PFKP: variants seen among roughly 807,000 people sequenced by gnomAD.
PFKP encodes phosphofructokinase, platelet.
A neutral mutation model predicts 94.3 loss-of-function variants in PFKP; 101 were observed. The observed-to-expected ratio is 1.07, with a 90% CI of 0.91 to 1.26. PFKP has a LOEUF of 1.26. Ranked by LOEUF, PFKP falls within the 50% of genes most tolerant of loss-of-function variation. The pLI is 0.00. For missense variants in PFKP, 1,145 were observed against 1,103.3 expected (o/e 1.04, Z -0.53); for synonymous variants, 573 against 432.6 (o/e 1.32, Z -4.03).
rs560075780 is a variant in PFKP at position 3,120,150 on chromosome 10, C to T, written c.1683+106C>T. 9.2e-5 allele frequency: 80 copies of T among 866,410 alleles called. No individual in the cohort carries two copies. The African/African-American group carries it at 1.2e-3, about 13-fold the overall frequency. The allele number at this position is 866,410 out of a possible 1,614,324, so 53.7% of individuals were successfully genotyped here. A position where few individuals can be genotyped will look rare whatever the true frequency, so the allele number is the denominator to read the frequency against. On this transcript the variant is annotated intron_variant, in intron 16 of 21. Transcript: ENST00000381125. The stretch of plus-strand genomic sequence containing the variant: ...CTAGAAATAGCCTTTTACAAATACC[C>T]TGAATGAGAGCTTCTCGTTCTTTTT...
intron 13 of PFKP, among the ~76,000 whole-genome samples, chr10:3,114,413 G>GT (rs1836588063): frequency 6.6e-6 from 1 of 152,218 alleles, no homozygotes; most frequent in Non-Finnish European, 1.5e-5. Flanking sequence ...GCCTCCCAAA[G>GT]TGCTGGGATT....
chr10:3,126,947 A>G (rs7910054), intron 16 of PFKP, among the ~76,000 whole-genome samples: 67,533 of 152,148 alleles, frequency 0.44, 14,922 homozygotes, highest in Non-Finnish European at 0.47. Context: ...TGCCACTCAC[A>G]GCTGCTGTCC....
chr10:3,100,862 C>CAAAAAAA lies in PFKP; in HGVS notation c.265-489_265-483dup, dbSNP rs71294492. The stretch of plus-strand genomic sequence containing the variant: ...TAAAAGGGGCAGCGAGTATGTGGTG[C>CAAAAAAA]AAAAAAAAAAAAAAAAAAAATCCCC... On this transcript the variant is annotated intron_variant, in intron 3 of 21. Transcript: ENST00000381125. The CAAAAAAA allele has an allele frequency of 7.0e-4, 463 of 656,858 alleles. 3 individuals are homozygous for CAAAAAAA. Among genetic ancestry groups the CAAAAAAA allele is most frequent in the Middle Eastern group, 1.2e-3 (3 of 2,408 alleles). 40.7% of individuals were successfully genotyped at this position (656,858 alleles called of 1,614,324 possible).
intron 9 of PFKP, among the ~76,000 whole-genome samples, chr10:3,109,072 T>A (rs1462762130): frequency 3.7e-4 from 1 of 2,690 alleles, no homozygotes; most frequent in East Asian, 0.5. Flanking sequence ...AGAAAGGCTG[T>A]GTTTCTAGTG....
rs1308212875 is a variant in PFKP, at chr10:3,113,179, G to A, written c.1215G>A (p.Gln405=). ...KRLAIKLPDD[Q]IPKTNCNVAV... ...TTGCCATCAAGCTGCCGGATGATCA[G>A]ATCCCAAAGGTAGGTGGCCGGCCTC... The change falls in exon 12 of 22, where the codon CAG becomes CAA. Residue 405 remains glutamine (Q), a synonymous_variant. Transcript: ENST00000381125. 6.2e-7 allele frequency: 1 copy of A among 1,612,084 alleles called. No homozygotes were observed. The highest frequency in any genetic ancestry group is 1.1e-5 in the South Asian group (1 of 90,700).
intron 16 of PFKP, chr10:3,128,894 GAGGA>G (rs1838250685): frequency 6.6e-6 from 1 of 152,352 alleles, no homozygotes; most frequent in Admixed American, 6.5e-5. Flanking sequence ...AAGGCCCCAG[GAGGA>G]CCTGGGGTGG....
At chr10:3,100,986 C>G in intron 3 of PFKP, 1 of 1,612,150 alleles carries the variant, frequency 6.2e-7, no homozygotes, top group South Asian at 1.1e-5. Flanking sequence ...TTGTCCTGGC[C>G]GGCATGCTCT....
At chr10:3,112,410 G>C in intron 11 of PFKP, 124 bp downstream of exon 11, 2 of 768,896 alleles carry the variant, frequency 2.6e-6, no homozygotes, top group African/African-American at 3.4e-5. Context: ...AAGTCAGGCA[G>C]TACTCACAGC....
At chr10:3,101,754 A>AG (rs1259280514) in intron 4 of PFKP, among the ~76,000 whole-genome samples, 200 bp downstream of exon 4, 2 of 152,230 alleles carry the variant, frequency 1.3e-5, no homozygotes, top group Non-Finnish European at 2.9e-5. Context: ...ACCATGTGCC[A>AG]GGCACCCTTC....
intron 8 of PFKP, 24 bp downstream of exon 8, chr10:3,107,333 TTC>T: frequency 7.1e-7 from 1 of 1,402,492 alleles, no homozygotes; most frequent in Non-Finnish European, 1.0e-6. Context: ...GCTGCTCACT[TTC>T]TCTCGGTTTC....
At chr10:3,069,471 C>A (rs1832021098) in intron 1 of PFKP, 3 of 1,279,484 alleles carry the variant, frequency 2.3e-6, no homozygotes, top group Admixed American at 4.2e-5. Context: ...GAGGGAGCAC[C>A]TTGAGTGACC....
intron 16 of PFKP, among the ~76,000 whole-genome samples, chr10:3,120,283 G>A (rs1277078616): frequency 6.6e-6 from 1 of 152,146 alleles, no homozygotes. Flanking sequence ...TAGTGTGGCC[G>A]AGACTCCAGG....
intron 2 of PFKP, among the ~76,000 whole-genome samples, chr10:3,092,216 G>C (rs1192436991): frequency 6.6e-6 from 1 of 152,184 alleles, no homozygotes; most frequent in Non-Finnish European, 1.5e-5. Flanking sequence ...ATATCAGCAT[G>C]TGATCTTAGC....
At chr10:3,087,147 CG>C (rs1564278960) in intron 2 of PFKP, among the ~76,000 whole-genome samples, 1 of 152,056 alleles carries the variant, frequency 6.6e-6, no homozygotes, top group Non-Finnish European at 1.5e-5. Flanking sequence ...TTGGTAGAGA[CG>C]GGGTTTCAAC....
At chr10:3,080,109 C>T (rs1463953945) in intron 1 of PFKP, among the ~76,000 whole-genome samples, 6 of 151,156 alleles carry the variant, frequency 4.0e-5, no homozygotes, top group Admixed American at 3.3e-4. Context: ...CAGGAGCCTC[C>T]GAGTGCTGCC....
At chr10:3,096,338 G>A (rs148344380) in intron 2 of PFKP, among the ~76,000 whole-genome samples, 2 of 152,174 alleles carry the variant, frequency 1.3e-5, no homozygotes, top group African/African-American at 4.8e-5. Context: ...CTTCAGCAGG[G>A]TGGCGGCCGG....
At chr10:3,095,233 C>CGCGCATAGGGGA (rs534523216) in intron 2 of PFKP, among the ~76,000 whole-genome samples, 1 of 151,308 alleles carries the variant, frequency 6.6e-6, no homozygotes, top group African/African-American at 2.4e-5. Context: ...CCGAGAAAGC[C>CGCGCATAGGGGA]ACCCATAGGT....
intron 14 of PFKP, 113 bp from the exon 15 acceptor site, chr10:3,118,669 C>A: frequency 1.5e-6 from 1 of 675,212 alleles, no homozygotes; most frequent in Non-Finnish European, 2.6e-6. Context: ...TTTACCGCTC[C>A]TTAATTAAAA....
At chr10:3,081,845 T>A (rs1302429219) in intron 1 of PFKP, among the ~76,000 whole-genome samples, 1 of 151,976 alleles carries the variant, frequency 6.6e-6, no homozygotes, top group Non-Finnish European at 1.5e-5. Flanking sequence ...GATGATACAT[T>A]GTATAACACT....
Sources: gnomAD v4.1 joint callset for allele counts (sites outside exome capture counted in the v4.1 genomes callset) on GRCh38, gnomAD v4.1.1 for gene constraint, MANE v1.5 for transcripts, NCBI Gene and HGNC (gene_info 2026-07-23, HGNC 2026-07-21) for gene names.